Variants in DLGAP5 observed in about 807,000 individuals in gnomAD.
The protein encoded by DLGAP5 is DLG associated protein 5.
Under a neutral mutation model 99.6 loss-of-function variants are expected in DLGAP5, and 90 were observed. That is an observed-to-expected ratio of 0.90 (90% confidence interval 0.76 to 1.08). DLGAP5 has a LOEUF of 1.08. Ranked by LOEUF, DLGAP5 falls within the 50% of genes least tolerant of loss-of-function variation. The pLI is 0.00. For missense variants in DLGAP5, 1,036 were observed against 983.5 expected, an observed-to-expected ratio of 1.05 and a Z score of -0.71; for synonymous variants, 311 against 321.3, an observed-to-expected ratio of 0.97 and a Z score of 0.34.
In DLGAP5 at chr14:55,190,314, A is replaced by G. The variant is rs182922342; in HGVS notation, c.-1-1134T>C. 2.0e-5 allele frequency among the ~76,000 whole-genome samples: 3 copies of G among 152,018 alleles called. No homozygotes were observed. In the East Asian group the frequency reaches 5.8e-4, roughly 29 times the overall value. On this transcript the variant is annotated intron_variant, in intron 1 of 18. Coordinates refer to ENST00000247191, the MANE Select transcript of DLGAP5 (RefSeq NM_014750.5). ...TACACACACACACACACACACACAC[A>G]CGCACAAAATCATATAGTTTAATTG...
intron 10 of DLGAP5, among the ~76,000 whole-genome samples, chr14:55,175,009 A>C (rs1883007951): frequency 6.6e-6 from 1 of 152,172 alleles, no homozygotes; most frequent in Non-Finnish European, 1.5e-5. Context: ...ATTTTTTAAA[A>C]AAGAAAAAAA....
chr14:55,177,040 AT>A, intron 8 of DLGAP5, 21 bp downstream of exon 8: 1 of 1,026,274 alleles, frequency 9.7e-7, no homozygotes, highest in Non-Finnish European at 1.3e-6. Flanking sequence ...CAAGAGACTT[AT>A]TATTAAGATC....
At chr14:55,158,453 C>T (rs1372910500) in intron 14 of DLGAP5, 69 bp downstream of exon 14, 1 of 1,340,810 alleles carries the variant, frequency 7.5e-7, no homozygotes, top group Non-Finnish European at 1.0e-6. Context: ...AAGCCCCCAT[C>T]TATCCCAAAT....
intron 10 of DLGAP5, among the ~76,000 whole-genome samples, chr14:55,171,698 A>T (rs1340996721): frequency 6.6e-6 from 1 of 152,238 alleles, no homozygotes; most frequent in Non-Finnish European, 1.5e-5. Context: ...ACAACAGTTA[A>T]AACATGGAAG....
chr14:55,163,326 G>T (rs1369255065), intron 12 of DLGAP5, among the ~76,000 whole-genome samples: 2 of 151,980 alleles, frequency 1.3e-5, no homozygotes, highest in Non-Finnish European at 2.9e-5. Flanking sequence ...GATTATTTTT[G>T]ACTAAAATGC....
At chr14:55,156,124 C>T (rs1266512347) in intron 14 of DLGAP5, among the ~76,000 whole-genome samples, 2 of 151,814 alleles carry the variant, frequency 1.3e-5, no homozygotes, top group African/African-American at 4.8e-5. Context: ...GAGAATCAAC[C>T]CAATTTCTAC....
At chr14:55,160,510 T>C (rs1227113823) in intron 13 of DLGAP5, among the ~76,000 whole-genome samples, 1 of 151,978 alleles carries the variant, frequency 6.6e-6, no homozygotes, top group East Asian at 1.9e-4. Flanking sequence ...TGCAGTGGCA[T>C]GATCTCGGTT....
intron 12 of DLGAP5, among the ~76,000 whole-genome samples, chr14:55,164,904 A>G (rs1045009994): frequency 1.2e-4 from 17 of 140,750 alleles, no homozygotes; most frequent in African/African-American, 4.9e-4. Flanking sequence ...CCTGGGCGAC[A>G]GAGTGAGACT....
chr14:55,191,213 TGAA>T (rs1225435950), intron 1 of DLGAP5: 1 of 152,228 alleles, frequency 6.6e-6, no homozygotes, highest in Non-Finnish European at 1.5e-5. Flanking sequence ...TCGGAGCTAG[TGAA>T]GAACAGTTTC....
chr14:55,181,197 T>C lies in DLGAP5; in HGVS notation c.580+16A>G, dbSNP rs772024578. ...GGTAGCCTCAGAGGATTTATAGTAA[T>C]TGCTAATATTCCTACCTTTTTTCTC... On this transcript the variant is annotated intron_variant, in intron 5 of 18. Coordinates refer to ENST00000247191, the MANE Select transcript of DLGAP5 (RefSeq NM_014750.5). 9.9e-6 allele frequency: 16 copies of C among 1,608,744 alleles called. No individual in the cohort carries two copies. In the African/African-American group the frequency reaches 1.3e-4, roughly 13 times the overall value.
chr14:55,179,236 T>C (rs1883192913), intron 7 of DLGAP5, among the ~76,000 whole-genome samples: 2 of 152,156 alleles, frequency 1.3e-5, no homozygotes, highest in Admixed American at 1.3e-4. Flanking sequence ...AAGAAGCTCA[T>C]AAACTACATA....
At chr14:55,150,874 T>A in intron 17 of DLGAP5, 26 bp from the exon 18 acceptor site, 1 of 1,479,850 alleles carries the variant, frequency 6.8e-7, no homozygotes, top group Non-Finnish European at 9.2e-7. Flanking sequence ...AAAAAACTTT[T>A]TAAAGAATAT....
At position 55,184,820 on chromosome 14, in the gene DLGAP5, A is replaced by G. The variant is rs1883381159; in HGVS notation, c.239-1067T>C. On this transcript the variant is annotated intron_variant, in intron 2 of 18. Transcript: ENST00000247191. ...TCCAGTCTCAGTTAAGGCTTCAGATATATCTCTGGATGACATCTTGGCTGC... is the reference window on the plus strand; with the variant it reads ...TCCAGTCTCAGTTAAGGCTTCAGATGTATCTCTGGATGACATCTTGGCTGC... 2.6e-5 allele frequency among the ~76,000 whole-genome samples: 4 copies of G among 152,196 alleles called. No individual in the cohort carries two copies. In the South Asian group the frequency reaches 8.3e-4, roughly 32 times the overall value.
intron 9 of DLGAP5, 41 bp from the exon 10 acceptor site, chr14:55,175,513 A>G: frequency 8.8e-7 from 1 of 1,135,020 alleles, no homozygotes; most frequent in East Asian, 2.7e-5. Flanking sequence ...TTTCAAAGCA[A>G]CAATTCCTAA....
At chr14:55,187,081 T>C (rs1394383524) in intron 2 of DLGAP5, among the ~76,000 whole-genome samples, 1 of 151,984 alleles carries the variant, frequency 6.6e-6, no homozygotes, top group African/African-American at 2.4e-5. Context: ...GATTTTTGTA[T>C]TTTTAGTAGA....
At chr14:55,155,032 G>C (rs1177171132) in intron 14 of DLGAP5, among the ~76,000 whole-genome samples, 1 of 151,962 alleles carries the variant, frequency 6.6e-6, no homozygotes, top group African/African-American at 2.4e-5. Flanking sequence ...TAATTTTTTT[G>C]TTGTTGTTGA....
chr14:55,180,310 C>T lies in DLGAP5; in HGVS notation c.703+346G>A, dbSNP rs553650416. On this transcript the variant is annotated intron_variant, in intron 6 of 18. Transcript: ENST00000247191. ...ATCCTACTGTTCAGAGTTTGACCTG[C>T]TTTTCTTTGCCCACTTAATATATCA... Among the ~76,000 whole-genome samples the T allele has an allele frequency of 7.2e-5, 11 of 152,270 alleles. No individual in the cohort carries two copies. The East Asian group carries it at 2.1e-3, about 29-fold the overall frequency.
Position 55,165,525 on chromosome 14 carries a change from A to G in DLGAP5, c.1549-2450T>C, listed in dbSNP as rs572641183. Among the ~76,000 whole-genome samples the G allele has an allele frequency of 3.6e-4, 55 of 151,800 alleles. No individual in the cohort carries two copies. In the South Asian group the frequency reaches 0.011, roughly 32 times the overall value. ...GTTGACAGAGCGAGACCCTGACTTA[A>G]AAAACAAAAAAAAAAACCCCAAAAA... On this transcript the variant is annotated intron_variant, in intron 12 of 18. Coordinates refer to ENST00000247191, the MANE Select transcript of DLGAP5 (RefSeq NM_014750.5).
In DLGAP5 at chr14:55,149,717, A is replaced by G. The variant is rs536995284; in HGVS notation, c.2418+1082T>C. Among the ~76,000 whole-genome samples, 26 of 152,078 alleles carry G rather than the reference A, an allele frequency of 1.7e-4. 1 individual carries two copies. The South Asian group carries it at 3.1e-3, about 18-fold the overall frequency. On this transcript the variant is annotated intron_variant, in intron 18 of 18. Transcript: ENST00000247191. ...AAACCATAAGAATCACTTGATGAAG[A>G]AAAAAATGACAAATCCCTAACTCCA...
Sources: allele counts gnomAD v4.1 joint callset (sites outside exome capture counted in the v4.1 genomes callset), GRCh38; gene constraint gnomAD v4.1.1; transcripts MANE v1.5; gene names NCBI Gene and HGNC (gene_info 2026-07-23, HGNC 2026-07-21).